FARS2: variants seen among roughly 807,000 people sequenced by gnomAD.
FARS2 encodes the protein phenylalanyl-tRNA synthetase 2, mitochondrial.
In FARS2, 40 loss-of-function variants were observed where a neutral mutation model predicts 46.4. That is an observed-to-expected ratio of 0.86 (90% CI 0.67 to 1.12). FARS2 has a LOEUF of 1.12. FARS2 is among the 50% of genes most tolerant of loss of function. FARS2 has a pLI of 0.00. For missense variants in FARS2, 513 were observed against 567.9 expected (o/e 0.90, Z 0.98); for synonymous variants, 234 against 214.9 (o/e 1.09, Z -0.78).
intron 4 of FARS2, among the ~76,000 whole-genome samples, chr6:5,503,908 G>C (rs1362877313): frequency 6.6e-6 from 1 of 152,170 alleles, no homozygotes; most frequent in Non-Finnish European, 1.5e-5. Flanking sequence ...CTGGTAATGA[G>C]TGTATGAATC....
At chr6:5,545,928 G>A (rs1770953051) in intron 5 of FARS2, among the ~76,000 whole-genome samples, 1 of 152,090 alleles carries the variant, frequency 6.6e-6, no homozygotes, top group South Asian at 2.1e-4. Context: ...AAGAGTTCGA[G>A]ACCAGCCTAG....
rs372825158 is a variant in FARS2, at chr6:5,493,481, G to C, written c.905-51699G>C. Among the ~76,000 whole-genome samples the C allele has an allele frequency of 2.0e-5, 3 of 152,300 alleles. No individual in the cohort carries two copies. The East Asian group carries it at 5.8e-4, about 29-fold the overall frequency. On this transcript the variant is annotated intron_variant, in intron 4 of 6. Transcript: ENST00000274680. Reference sequence around the variant, plus strand: ...GTCTTTTGATGTGTGGCTAGATGAAGACTGCAGTGTATCGACCTCCAAGAG... The same window carrying C: ...GTCTTTTGATGTGTGGCTAGATGAACACTGCAGTGTATCGACCTCCAAGAG...
intron 6 of FARS2, among the ~76,000 whole-genome samples, chr6:5,768,435 A>G (rs1379212565): frequency 6.6e-6 from 1 of 152,166 alleles, no homozygotes; most frequent in Non-Finnish European, 1.5e-5. Context: ...TTCCCCATCC[A>G]TCTTCAATTG....
Position 5,609,087 on chromosome 6 carries a change from G to A in FARS2, c.1066-4082G>A, listed in dbSNP as rs891517179. Reference sequence around the variant, plus strand: ...CTCAGTTTTTTGCCCATACACATGAGTATTTGTCTAAAATATGTCTTCTTT... The same window carrying A: ...CTCAGTTTTTTGCCCATACACATGAATATTTGTCTAAAATATGTCTTCTTT... On this transcript the variant is annotated intron_variant, in intron 5 of 6. Coordinates refer to ENST00000274680, the MANE Select transcript of FARS2 (RefSeq NM_006567.5). 6.5e-6 allele frequency: 4 copies of A among 611,472 alleles called. No individual in the cohort carries two copies. The African/African-American group carries it at 7.3e-5, about 11-fold the overall frequency. The allele number at this position is 611,472 out of a possible 1,614,324, so 37.9% of individuals were successfully genotyped here.
At chr6:5,758,616 G>A (rs73364250) in intron 6 of FARS2, among the ~76,000 whole-genome samples, 1,900 of 152,174 alleles carry the variant, frequency 0.012, 49 homozygotes, top group African/African-American at 0.041. Context: ...CTGCCTTTAC[G>A]CTCTGCAGAG....
chr6:5,482,336 C>A (rs553945863), intron 4 of FARS2, among the ~76,000 whole-genome samples: 1 of 152,178 alleles, frequency 6.6e-6, no homozygotes, highest in Non-Finnish European at 1.5e-5. Context: ...TGATTTGATG[C>A]AATATGGTTT....
At chr6:5,284,628 C>T (rs113979938) in intron 1 of FARS2, among the ~76,000 whole-genome samples, 1,801 of 152,264 alleles carry the variant, frequency 0.012, 46 homozygotes, top group African/African-American at 0.041. Context: ...GATCACCAGT[C>T]GCCTTCTGGT....
At chr6:5,379,898 G>C (rs985648748) in intron 2 of FARS2, among the ~76,000 whole-genome samples, 2 of 152,112 alleles carry the variant, frequency 1.3e-5, no homozygotes, top group Non-Finnish European at 2.9e-5. Context: ...ATATTTCAAG[G>C]ACTCAACTCA....
At chr6:5,555,197 C>A (rs1348971537) in intron 5 of FARS2, among the ~76,000 whole-genome samples, 3 of 152,144 alleles carry the variant, frequency 2.0e-5, no homozygotes, top group African/African-American at 7.2e-5. Flanking sequence ...GTCACCACCA[C>A]ATAAGAAGTG....
chr6:5,620,335 TAAAA>T (rs532286582), intron 6 of FARS2, among the ~76,000 whole-genome samples: 1 of 152,148 alleles, frequency 6.6e-6, no homozygotes, highest in Non-Finnish European at 1.5e-5. Context: ...ATGCTTCTTA[TAAAA>T]AAAGTTTCAT....
At chr6:5,284,797 G>T (rs751488674) in intron 1 of FARS2, among the ~76,000 whole-genome samples, 8 of 152,076 alleles carry the variant, frequency 5.3e-5, no homozygotes, top group Non-Finnish European at 1.2e-4. Flanking sequence ...TCCTTGGTGG[G>T]TCTTCCTCCT....
chr6:5,655,798 A>G (rs751636399), intron 6 of FARS2, among the ~76,000 whole-genome samples: 10 of 152,314 alleles, frequency 6.6e-5, no homozygotes, highest in Admixed American at 1.3e-4. Context: ...TTGGAGGATC[A>G]TTCTTTTACC....
intron 6 of FARS2, among the ~76,000 whole-genome samples, chr6:5,658,896 C>A (rs1047878981): frequency 2.0e-5 from 3 of 152,194 alleles, no homozygotes; most frequent in Admixed American, 6.5e-5. Flanking sequence ...ATTTCAAGTT[C>A]TGCTTATATT....
chr6:5,464,083 T>A (rs1053152545), intron 4 of FARS2, among the ~76,000 whole-genome samples: 32 of 152,266 alleles, frequency 2.1e-4, no homozygotes, highest in Non-Finnish European at 8.8e-5. Flanking sequence ...TTCTCCATCT[T>A]ATTTTTTTAT....
chr6:5,373,554 G>C (rs1368577424), intron 2 of FARS2, among the ~76,000 whole-genome samples: 2 of 152,114 alleles, frequency 1.3e-5, no homozygotes, highest in African/African-American at 2.4e-5. Flanking sequence ...TCAAGAGTAA[G>C]TACTAGGAAA....
chr6:5,567,652 AAT>A (rs1772397807), intron 5 of FARS2, among the ~76,000 whole-genome samples: 1 of 152,256 alleles, frequency 6.6e-6, no homozygotes. Flanking sequence ...AGGTTCAGAC[AAT>A]AGATGGAGGA....
chr6:5,289,188 G>A (rs1026886528), intron 1 of FARS2, among the ~76,000 whole-genome samples: 1 of 152,102 alleles, frequency 6.6e-6, no homozygotes, highest in African/African-American at 2.4e-5. Flanking sequence ...AAAACTCAAG[G>A]GATTACATTT....
intron 6 of FARS2, among the ~76,000 whole-genome samples, chr6:5,624,848 G>T (rs1252163861): frequency 6.6e-6 from 1 of 151,614 alleles, no homozygotes; most frequent in African/African-American, 2.4e-5. Flanking sequence ...CTCATTTTGG[G>T]CAGTTATGAG....
intron 4 of FARS2, among the ~76,000 whole-genome samples, chr6:5,446,879 C>G (rs972325451): frequency 2.6e-5 from 4 of 152,142 alleles, no homozygotes; most frequent in Non-Finnish European, 5.9e-5. Context: ...GGCTACTCAT[C>G]TGCTGGTGCA....
Sources: gnomAD v4.1 joint callset for allele counts (sites outside exome capture counted in the v4.1 genomes callset) on GRCh38, gnomAD v4.1.1 for gene constraint, MANE v1.5 for transcripts, NCBI Gene and HGNC (gene_info 2026-07-23, HGNC 2026-07-21) for gene names.